Variants in RBFOX1 observed in about 807,000 individuals in gnomAD.
The protein encoded by RBFOX1 is RNA binding protein fox-1 homolog 1.
A neutral mutation model predicts 57.7 loss-of-function variants in RBFOX1; 8 were observed. That is an observed-to-expected ratio of 0.14 (90% CI 0.08 to 0.25). The LOEUF (loss-of-function observed/expected upper bound fraction) is 0.25. RBFOX1 is among the 10% of genes least tolerant of loss of function. RBFOX1 has a pLI of 1.00. For missense variants in RBFOX1, 611 were observed against 548.5 expected, an observed-to-expected ratio of 1.11 and a Z score of -1.14; for synonymous variants, 326 against 222.4, an observed-to-expected ratio of 1.47 and a Z score of -4.15.
chr16:6,837,264 G>A (rs775124200), intron 3 of RBFOX1, among the ~76,000 whole-genome samples: 1 of 152,180 alleles, frequency 6.6e-6, no homozygotes, highest in Non-Finnish European at 1.5e-5. Context: ...TCATCTGAGC[G>A]TGCTGCTAGT....
intron 4 of RBFOX1, among the ~76,000 whole-genome samples, chr16:5,972,420 A>T (rs2059980444): frequency 6.6e-6 from 1 of 152,106 alleles, no homozygotes. Flanking sequence ...TTTGAAAGAA[A>T]CCTCTCATTA....
intron 3 of RBFOX1, among the ~76,000 whole-genome samples, chr16:6,859,201 A>ATATATG (rs2058575155): frequency 2.8e-5 from 4 of 142,070 alleles, no homozygotes; most frequent in African/African-American, 7.9e-5. Flanking sequence ...ATATATGTAT[A>ATATATG]TATATATATA....
intron 14 of RBFOX1, among the ~76,000 whole-genome samples, chr16:7,687,369 C>T (rs949082445): frequency 2.6e-5 from 4 of 151,940 alleles, no homozygotes; most frequent in Non-Finnish European, 5.9e-5. Context: ...TTATGAGCTT[C>T]CAGACAGGCA....
intron 1 of RBFOX1, among the ~76,000 whole-genome samples, chr16:6,026,401 G>A (rs140292571): frequency 6.6e-6 from 1 of 152,326 alleles, no homozygotes; most frequent in Non-Finnish European, 1.5e-5. Context: ...GTGTAGGCAG[G>A]CGTTAAGCAA....
intron 3 of RBFOX1, among the ~76,000 whole-genome samples, chr16:5,862,879 G>C (rs555427914): frequency 1.1e-4 from 17 of 152,276 alleles, no homozygotes; most frequent in African/African-American, 3.8e-4. Context: ...GCCCCAGACA[G>C]TGTTTGGGCA....
intron 3 of RBFOX1, among the ~76,000 whole-genome samples, chr16:6,882,851 C>G (rs1411214783): frequency 1.3e-5 from 2 of 152,072 alleles, no homozygotes; most frequent in Admixed American, 6.6e-5. Context: ...TATGTTCACC[C>G]CCAGGAGTGA....
chr16:6,701,519 C>T (rs55769911), intron 3 of RBFOX1, among the ~76,000 whole-genome samples: 1 of 152,144 alleles, frequency 6.6e-6, no homozygotes, highest in East Asian at 1.9e-4. Context: ...CCAGCATTTG[C>T]TCAGCTTCTG....
chr16:6,806,840 T>TATATATATATATATA (rs1351406747), intron 3 of RBFOX1, among the ~76,000 whole-genome samples: 17 of 49,168 alleles, frequency 3.5e-4, no homozygotes, highest in African/African-American at 1.2e-3. Context: ...ATATATATTT[T>TATATATATATATATA]TTTTTTTTTT....
intron 1 of RBFOX1, among the ~76,000 whole-genome samples, chr16:5,309,145 C>T (rs1035933134): frequency 6.6e-6 from 1 of 152,142 alleles, no homozygotes; most frequent in Non-Finnish European, 1.5e-5. Flanking sequence ...CTTGCAGATC[C>T]CTGACTTAAA....
At chr16:5,855,452 T>G (rs1291148787) in intron 3 of RBFOX1, among the ~76,000 whole-genome samples, 1 of 152,204 alleles carries the variant, frequency 6.6e-6, no homozygotes, top group African/African-American at 2.4e-5. Flanking sequence ...GATATCCAGT[T>G]TTCCCCATAC....
intron 3 of RBFOX1, among the ~76,000 whole-genome samples, chr16:7,021,047 G>A (rs1453882110): frequency 2.0e-5 from 3 of 152,152 alleles, no homozygotes; most frequent in African/African-American, 7.2e-5. Context: ...AGAATCGGTT[G>A]AACCTGGGAG....
Position 6,518,107 on chromosome 16 carries a change from C to T in RBFOX1, c.-63-136496C>T, listed in dbSNP as rs188823961. ...CTTTTCACCCCTAAATGTCACCATTCCTGCAATGGATGAAAATGTGGATTT... is the reference window on the plus strand; with the variant it reads ...CTTTTCACCCCTAAATGTCACCATTTCTGCAATGGATGAAAATGTGGATTT... On this transcript the variant is annotated intron_variant, in intron 2 of 15. Transcript: ENST00000550418. 9.9e-5 allele frequency among the ~76,000 whole-genome samples: 15 copies of T among 152,276 alleles called. No individual in the cohort carries two copies. The East Asian group carries it at 2.7e-3, about 27-fold the overall frequency.
chr16:7,488,128 G>T lies in RBFOX1; in HGVS notation c.28-30019G>T, dbSNP rs188318244. ...AGGCTGGAGTGCTAATCCTCTTGCC[G>T]TGCTAGTGTGTCCCTGCGTGATTGT... On this transcript the variant is annotated intron_variant, in intron 4 of 15. Transcript: ENST00000550418. Among the ~76,000 whole-genome samples, 8 of 152,202 alleles carry T rather than the reference G, an allele frequency of 5.3e-5. No individual in the cohort carries two copies. In the East Asian group the frequency reaches 9.7e-4, roughly 18 times the overall value.
chr16:6,880,819 A>T (rs975950866), intron 3 of RBFOX1, among the ~76,000 whole-genome samples: 10 of 152,218 alleles, frequency 6.6e-5, no homozygotes, highest in Non-Finnish European at 1.3e-4. Flanking sequence ...AGAATAAATC[A>T]ATATATAAAT....
chr16:6,301,359 A>G (rs901988691), intron 1 of RBFOX1, among the ~76,000 whole-genome samples: 13 of 152,120 alleles, frequency 8.5e-5, no homozygotes, highest in African/African-American at 3.1e-4. Flanking sequence ...AATTGCCTAG[A>G]TAGGATTTTG....
rs137898222 is a variant in RBFOX1 at position 6,104,065 on chromosome 16, C to T, written c.-127+84073C>T. Among the ~76,000 whole-genome samples, 572 of 152,168 alleles carry T rather than the reference C, an allele frequency of 3.8e-3. 7 individuals are homozygous for T. Among genetic ancestry groups the T allele is most frequent in the African/African-American group, 0.013 (547 of 41,522 alleles). ...TGGTCCTCAGCCTAGCAGGATTGTCCACTCTATCCTGAATAGCAACAGTCA... is the reference window on the plus strand; with the variant it reads ...TGGTCCTCAGCCTAGCAGGATTGTCTACTCTATCCTGAATAGCAACAGTCA... On this transcript the variant is annotated intron_variant, in intron 1 of 15. Coordinates refer to ENST00000550418, the MANE Select transcript of RBFOX1 (RefSeq NM_018723.4).
chr16:6,068,257 A>G (rs918406821), intron 1 of RBFOX1, among the ~76,000 whole-genome samples: 1 of 152,206 alleles, frequency 6.6e-6, no homozygotes, highest in Admixed American at 6.5e-5. Flanking sequence ...CGTCTTCAGC[A>G]GACTTCAGCC....
At chr16:5,758,044 G>A (rs1050416634) in intron 3 of RBFOX1, among the ~76,000 whole-genome samples, 11 of 152,106 alleles carry the variant, frequency 7.2e-5, no homozygotes, top group Middle Eastern at 3.2e-3. Flanking sequence ...AGCAACCTGG[G>A]GTTGGAAGCC....
At chr16:5,583,754 T>C (rs2046747895) in intron 2 of RBFOX1, among the ~76,000 whole-genome samples, 2 of 152,238 alleles carry the variant, frequency 1.3e-5, no homozygotes, top group South Asian at 4.1e-4. Context: ...ATGTAGGCTG[T>C]TAGCCCCATC....
Sources: gnomAD v4.1 joint callset for allele counts (sites outside exome capture counted in the v4.1 genomes callset) on GRCh38, gnomAD v4.1.1 for gene constraint, MANE v1.5 for transcripts, NCBI Gene and HGNC (gene_info 2026-07-23, HGNC 2026-07-21) for gene names.